Variants in SLC5A8 observed in about 807,000 individuals in gnomAD.
SLC5A8 encodes sodium-coupled monocarboxylate transporter 1.
A neutral mutation model predicts 71.9 loss-of-function variants in SLC5A8; 55 were observed. The ratio of observed to expected loss-of-function variants is 0.77; its 90% CI spans 0.62 to 0.96. The LOEUF (loss-of-function observed/expected upper bound fraction) is 0.96. Ranked by LOEUF, SLC5A8 falls within the 40% of genes least tolerant of loss-of-function variation. The probability of loss-of-function intolerance (pLI) is 0.00; values close to 1 mark genes in which losing one functional copy is unlikely to be tolerated. For synonymous variants in SLC5A8, 307 were observed against 276.1 expected (o/e 1.11, Z -1.11); for missense variants, 701 against 745.3 (o/e 0.94, Z 0.69).
At chr12:101,167,415 C>T (rs1023940083) in intron 11 of SLC5A8, among the ~76,000 whole-genome samples, 5 of 152,156 alleles carry the variant, frequency 3.3e-5, no homozygotes, top group Admixed American at 1.3e-4. Context: ...ATATCTGAAG[C>T]GACTGCACAT....
intron 6 of SLC5A8, among the ~76,000 whole-genome samples, chr12:101,189,071 T>C (rs895307165): frequency 1.6e-4 from 24 of 152,318 alleles, no homozygotes; most frequent in Non-Finnish European, 2.8e-4. Context: ...CTACTATGCT[T>C]ATGGGAATTG....
chr12:101,195,258 A>C, intron 3 of SLC5A8, 96 bp from the exon 4 acceptor site: 4 of 1,339,304 alleles, frequency 3.0e-6, no homozygotes, highest in Non-Finnish European at 4.2e-6. Flanking sequence ...ATCATTTATC[A>C]GGCACCTTCC....
intron 10 of SLC5A8, among the ~76,000 whole-genome samples, chr12:101,173,422 A>G (rs2051849842): frequency 1.3e-5 from 2 of 152,156 alleles, no homozygotes; most frequent in Admixed American, 1.3e-4. Flanking sequence ...AGCCCAAGTG[A>G]TGACTGGTGA....
intron 3 of SLC5A8, among the ~76,000 whole-genome samples, chr12:101,196,362 G>T (rs1869176102): frequency 1.3e-5 from 2 of 152,136 alleles, no homozygotes; most frequent in Non-Finnish European, 2.9e-5. Flanking sequence ...TAAAAGAAAA[G>T]AATTGTGCTT....
In SLC5A8 at chr12:101,202,434, T is replaced by A. The variant is rs370938989; in HGVS notation, c.418-219A>T. On this transcript the variant is annotated intron_variant, in intron 2 of 14. Coordinates refer to ENST00000536262, the MANE Select transcript of SLC5A8 (RefSeq NM_145913.5). ...ACCGGTCATAAGTTACAAATATTTT[T>A]TTGTGACCGGCTTATGTAAAAATAC... Among the ~76,000 whole-genome samples, 12 of 152,302 alleles carry A rather than the reference T, an allele frequency of 7.9e-5. 1 individual carries two copies. The East Asian group carries it at 2.3e-3, about 29-fold the overall frequency.
At chr12:101,187,669 G>A (rs1868717237) in intron 6 of SLC5A8, among the ~76,000 whole-genome samples, 154 bp from the exon 7 acceptor site, 1 of 152,106 alleles carries the variant, frequency 6.6e-6, no homozygotes, top group Non-Finnish European at 1.5e-5. Context: ...TTTTATTCTA[G>A]CCTAATATTC....
At chr12:101,182,694 C>G in intron 9 of SLC5A8, 109 bp downstream of exon 9, 1 of 674,540 alleles carries the variant, frequency 1.5e-6, no homozygotes, top group South Asian at 1.9e-5. Context: ...TGTGGATATC[C>G]AGTCATATTC....
chr12:101,168,202 T>C lies in SLC5A8; in HGVS notation c.1234-20A>G, dbSNP rs986871680. 1.6e-5 allele frequency: 25 copies of C among 1,580,008 alleles called. No individual in the cohort carries two copies. The highest frequency in any genetic ancestry group is 2.2e-5 in the Non-Finnish European group (25 of 1,162,326). On this transcript the variant is annotated intron_variant, in intron 10 of 14. Transcript: ENST00000536262. ...TGCTGCCTACAAAAATAATACAACG[T>C]CAGCAATTAGCAATCTCAAATCGAA...
intron 10 of SLC5A8, among the ~76,000 whole-genome samples, chr12:101,172,320 T>C (rs1168702431): frequency 6.6e-6 from 1 of 152,122 alleles, no homozygotes. Context: ...GCAGGAATGT[T>C]AGCAGTGAAG....
intron 7 of SLC5A8, among the ~76,000 whole-genome samples, chr12:101,186,755 G>A (rs1041998272): frequency 5.9e-5 from 9 of 152,148 alleles, no homozygotes; most frequent in African/African-American, 2.2e-4. Context: ...CATTATGGTA[G>A]TGCCTGGCCC....
intron 3 of SLC5A8, among the ~76,000 whole-genome samples, chr12:101,195,403 A>T (rs1328892466): frequency 6.6e-6 from 1 of 152,136 alleles, no homozygotes; most frequent in Admixed American, 6.5e-5. Flanking sequence ...AATTCAATAC[A>T]TGGAAAGGCG....
At chr12:101,184,321 A>G in intron 7 of SLC5A8, 99 bp from the exon 8 acceptor site, 1 of 971,386 alleles carries the variant, frequency 1.0e-6, no homozygotes, top group Non-Finnish European at 1.6e-6. Flanking sequence ...GGGAACTGAA[A>G]GGAGTTATTC....
At position 101,165,763 on chromosome 12, in the gene SLC5A8, T is replaced by A. The variant is rs533303510; in HGVS notation, c.1526+731A>T. Among the ~76,000 whole-genome samples the A allele has an allele frequency of 3.3e-5, 5 of 152,310 alleles. No homozygotes were observed. In the East Asian group the frequency reaches 9.6e-4, roughly 29 times the overall value. ...CCCCAAAGGTATGACTATATTGATGTCATTCCAGATAAGCTGGCACTGGGG... is the reference window on the plus strand; with the variant it reads ...CCCCAAAGGTATGACTATATTGATGACATTCCAGATAAGCTGGCACTGGGG... On this transcript the variant is annotated intron_variant, in intron 12 of 14. Coordinates refer to ENST00000536262, the MANE Select transcript of SLC5A8 (RefSeq NM_145913.5).
chr12:101,187,008 C>T lies in SLC5A8; in HGVS notation c.963+378G>A, dbSNP rs1868671746. Among the ~76,000 whole-genome samples, 4 of 152,088 alleles carry T rather than the reference C, an allele frequency of 2.6e-5. No homozygotes were observed. In the South Asian group the frequency reaches 8.3e-4, roughly 32 times the overall value. ...ATTTAAAAAATTGGAAGATAAATTGCTTATAAATGAATGCTCTAACAAACA... is the reference window on the plus strand; with the variant it reads ...ATTTAAAAAATTGGAAGATAAATTGTTTATAAATGAATGCTCTAACAAACA... On this transcript the variant is annotated intron_variant, in intron 7 of 14. Coordinates refer to ENST00000536262, the MANE Select transcript of SLC5A8 (RefSeq NM_145913.5).
At chr12:101,170,935 G>A (rs1056014377) in intron 10 of SLC5A8, among the ~76,000 whole-genome samples, 1 of 152,180 alleles carries the variant, frequency 6.6e-6, no homozygotes, top group African/African-American at 2.4e-5. Flanking sequence ...CTTCCCTTGA[G>A]TTCGCTTTGC....
chr12:101,167,981 T>G, intron 11 of SLC5A8, 115 bp downstream of exon 11: 1 of 958,416 alleles, frequency 1.0e-6, no homozygotes. Context: ...ATAATTTAAG[T>G]CATCAAGACA....
chr12:101,167,915 C>T (rs544319571), intron 11 of SLC5A8, among the ~76,000 whole-genome samples, 181 bp downstream of exon 11: 1 of 152,288 alleles, frequency 6.6e-6, no homozygotes, highest in African/African-American at 2.4e-5. Context: ...GAGCTTCACA[C>T]ATTTAGGGTC....
At position 101,162,038 on chromosome 12, in the gene SLC5A8, C is replaced by G. The variant is rs757637129; in HGVS notation, c.1566G>C (p.Leu522=). The stretch of plus-strand genomic sequence containing the variant: ...CCAAAGTTCCAACAGTGCTGAAGTA[C>G]AGATATGATAAAGAATACCAGTTAT... The part of the protein sequence containing the change: ...LMDNWYSLSY[L]YFSTVGTLVT... The change falls in exon 13 of 15, where the codon CTG becomes CTC. Residue 522 remains leucine, a synonymous_variant. Coordinates refer to ENST00000536262, the MANE Select transcript of SLC5A8 (RefSeq NM_145913.5). 2.5e-6 allele frequency: 4 copies of G among 1,613,698 alleles called. No individual in the cohort carries two copies. The South Asian group carries it at 4.4e-5, about 18-fold the overall frequency.
intron 3 of SLC5A8, among the ~76,000 whole-genome samples, chr12:101,201,616 G>A (rs531440094): frequency 6.6e-6 from 1 of 152,282 alleles, no homozygotes; most frequent in East Asian, 1.9e-4. Flanking sequence ...TGGGTACTTT[G>A]TTGAGCAGCA....
Sources: gnomAD v4.1 joint callset for allele counts (sites outside exome capture counted in the v4.1 genomes callset) on GRCh38, gnomAD v4.1.1 for gene constraint, MANE v1.5 for transcripts, NCBI Gene and HGNC (gene_info 2026-07-23, HGNC 2026-07-21) for gene names.